TVP23C: variants seen among roughly 807,000 people sequenced by gnomAD.
The protein encoded by TVP23C is Golgi apparatus membrane protein TVP23 homolog C.
TVP23C carries 19 observed loss-of-function variants against 28.7 expected under a neutral mutation model. The ratio of observed to expected loss-of-function variants is 0.66; its 90% CI spans 0.46 to 0.97. The LOEUF (loss-of-function observed/expected upper bound fraction) is 0.97. Ranked by LOEUF, TVP23C falls within the 50% of genes least tolerant of loss-of-function variation. The pLI, the probability that TVP23C is intolerant of heterozygous loss-of-function variation, is 0.00. For missense variants in TVP23C, 186 were observed against 241.3 expected (o/e 0.77, Z 1.52); for synonymous variants, 68 against 81.7 (o/e 0.83, Z 0.90).
exon 6 of TVP23C, chr17:15,502,922 T>A: frequency 6.2e-7 from 1 of 1,613,080 alleles, no homozygotes; most frequent in Non-Finnish European, 8.5e-7. Context: ...TCCTCTGCTA[T>A]TGGGACTCTC....
chr17:15,546,267 T>C (rs1011505130), intron 4 of TVP23C, among the ~76,000 whole-genome samples: 1 of 151,998 alleles, frequency 6.6e-6, no homozygotes, highest in African/African-American at 2.4e-5. Flanking sequence ...AAATCACAGT[T>C]ATAATCATTC....
chr17:15,510,497 C>A (rs35448233), intron 5 of TVP23C, among the ~76,000 whole-genome samples: 18,921 of 152,114 alleles, frequency 0.12, 1,279 homozygotes, highest in Middle Eastern at 0.18. Flanking sequence ...GTTGGCCAGT[C>A]TGGGGAGAAA....
In TVP23C at chr17:15,539,599, T is replaced by C; in HGVS notation, c.*813A>G. Reference sequence around the variant, plus strand: ...GCCTGGGCGACAGAGCAAGACTCCATCTCAAGAAAAAAAAAAAAAAAGACC... The same window carrying C: ...GCCTGGGCGACAGAGCAAGACTCCACCTCAAGAAAAAAAAAAAAAAAGACC... On this transcript the variant is annotated 3_prime_UTR_variant, in exon 6 of 6. Transcript: ENST00000518321. 4 of 961,298 alleles carry C rather than the reference T, an allele frequency of 4.2e-6. No homozygotes were observed. The highest frequency in any genetic ancestry group is 4.9e-6 in the Non-Finnish European group (4 of 813,914). 59.5% of individuals were successfully genotyped at this position (961,298 alleles called of 1,614,324 possible).
At chr17:15,553,339 T>C (rs1450496514) in intron 3 of TVP23C, among the ~76,000 whole-genome samples, 2 of 151,802 alleles carry the variant, frequency 1.3e-5, no homozygotes, top group Non-Finnish European at 2.9e-5. Context: ...ACAACACACC[T>C]ACAGGTAAGC....
chr17:15,548,057 T>C (rs1983720610), intron 3 of TVP23C, among the ~76,000 whole-genome samples: 1 of 152,142 alleles, frequency 6.6e-6, no homozygotes, highest in African/African-American at 2.4e-5. Flanking sequence ...ACTATGAATG[T>C]AGGTAAAATT....
chr17:15,506,936 T>C, intron 5 of TVP23C: 1 of 1,169,504 alleles, frequency 8.6e-7, no homozygotes, highest in Non-Finnish European at 1.2e-6. Context: ...TCCTTTGAGC[T>C]GTTTGCAAAC....
Position 15,540,542 on chromosome 17 carries a change from A to G in TVP23C, c.482T>C (p.Val161Ala). 1 of 1,613,790 alleles carries G rather than the reference A, an allele frequency of 6.2e-7. No individual in the cohort carries two copies. The highest frequency in any genetic ancestry group is 8.5e-7 in the Non-Finnish European group (1 of 1,179,818). Residue 161 changes from valine to alanine, a missense_variant, in exon 6 of 6, where the codon GTG (valine) becomes GCG (alanine). Physicochemically the swap from Val to Ala is moderately conservative, Grantham distance 64. Coordinates refer to ENST00000518321, the MANE Select transcript of TVP23C (RefSeq NM_001135036.2). ...ATACAGGTTGGCACCTTGTAGCACCACACCCATAATAACCACCGCCTGGGA... is the reference window on the plus strand; with the variant it reads ...ATACAGGTTGGCACCTTGTAGCACCGCACCCATAATAACCACCGCCTGGGA... ...VKWLAVVIMG[V>A]VLQGANLYGY...
intron 5 of TVP23C, among the ~76,000 whole-genome samples, chr17:15,541,689 A>G (rs1451165265): frequency 6.6e-6 from 1 of 151,962 alleles, no homozygotes; most frequent in Non-Finnish European, 1.5e-5. Flanking sequence ...TCCTAGTAAA[A>G]GAAGAGGAGG....
At position 15,539,868 on chromosome 17, in the gene TVP23C, C is replaced by T. The variant is rs1172990880; in HGVS notation, c.*544G>A. 69 of 857,696 alleles carry T rather than the reference C, an allele frequency of 8.0e-5. No individual in the cohort carries two copies. Among genetic ancestry groups the T allele is most frequent in the Non-Finnish European group, 9.7e-5 (69 of 713,866 alleles). 53.1% of individuals were successfully genotyped at this position (857,696 alleles called of 1,614,324 possible). ...CAGCACTTTGGGAGGCTGAGGTGGGCAGATCACAAGGTCATGAGATGGAGA... is the reference window on the plus strand; with the variant it reads ...CAGCACTTTGGGAGGCTGAGGTGGGTAGATCACAAGGTCATGAGATGGAGA... On this transcript the variant is annotated 3_prime_UTR_variant, in exon 6 of 6. Coordinates refer to ENST00000518321, the MANE Select transcript of TVP23C (RefSeq NM_001135036.2).
chr17:15,540,142 T>G lies in TVP23C; in HGVS notation c.*270A>C, dbSNP rs1373565404. On this transcript the variant is annotated 3_prime_UTR_variant, in exon 6 of 6. Transcript: ENST00000518321. ...ACATACATTCTGCAAGGGCATTCACTTAAAGCTCCCATAATTGATGAAAAA... is the reference window on the plus strand; with the variant it reads ...ACATACATTCTGCAAGGGCATTCACGTAAAGCTCCCATAATTGATGAAAAA... 1 of 1,254,820 alleles carries G rather than the reference T, an allele frequency of 8.0e-7. No individual in the cohort carries two copies. The highest frequency in any genetic ancestry group is 1.0e-6 in the Non-Finnish European group (1 of 1,000,246). 77.7% of individuals were successfully genotyped at this position (1,254,820 alleles called of 1,614,324 possible). A position where few individuals can be genotyped will look rare whatever the true frequency, so the allele number is the denominator to read the frequency against.
intron 5 of TVP23C, among the ~76,000 whole-genome samples, chr17:15,515,189 AAACGTGCAAAGGTAT>A (rs1245342108): frequency 6.6e-6 from 1 of 152,108 alleles, no homozygotes; most frequent in Non-Finnish European, 1.5e-5. Flanking sequence ...GACAAAGGAA[AAACGTGCAAAGGTAT>A]AACGTACACT....
chr17:15,506,478 GC>G (rs1452376712), intron 5 of TVP23C, among the ~76,000 whole-genome samples: 4 of 152,196 alleles, frequency 2.6e-5, no homozygotes, highest in Non-Finnish European at 5.9e-5. Context: ...AGGCCACTGG[GC>G]TCTACCAATC....
rs181197293 is a variant in TVP23C at position 15,526,419 on chromosome 17, G to A, written c.462+19366C>T. Among the ~76,000 whole-genome samples the A allele has an allele frequency of 1.4e-3, 218 of 152,292 alleles. 2 individuals are homozygous for A. Among genetic ancestry groups the A allele is most frequent in the African/African-American group, 4.9e-3 (203 of 41,562 alleles). On this transcript the variant is annotated intron_variant, in intron 5 of 5. Coordinates refer to the TVP23C transcript ENST00000225576. ...CAGTTTCCTCACTTGTTAAATGGCA[G>A]GGTTTGCCGAGATCAGGAAGCCAGA...
chr17:15,503,236 CA>C, intron 5 of TVP23C: 1 of 1,484,122 alleles, frequency 6.7e-7, no homozygotes, highest in Non-Finnish European at 8.9e-7. Context: ...ACCGTCTCTA[CA>C]AAAAATAAAA....
chr17:15,526,189 T>C (rs1006100139), intron 5 of TVP23C, among the ~76,000 whole-genome samples: 1 of 152,120 alleles, frequency 6.6e-6, no homozygotes, highest in Non-Finnish European at 1.5e-5. Context: ...TCTACAGAGA[T>C]GCCTCTTAAA....
Position 15,563,096 on chromosome 17 carries a change from G to C in TVP23C, c.12+341C>G, listed in dbSNP as rs1213750549. On this transcript the variant is annotated intron_variant, in intron 1 of 5. Coordinates refer to ENST00000518321, the MANE Select transcript of TVP23C (RefSeq NM_001135036.2). The stretch of plus-strand genomic sequence containing the variant: ...CCTACAAGATAGCATCGCACCCCTG[G>C]GTGTCAGGAAGCTAAGAGGCCCGCA... The C allele has an allele frequency of 5.2e-5, 21 of 403,496 alleles. No homozygotes were observed. In the South Asian group the frequency reaches 9.7e-4, roughly 19 times the overall value. The allele number at this position is 403,496 out of a possible 1,614,324, so 25.0% of individuals were successfully genotyped here. A position where few individuals can be genotyped will look rare whatever the true frequency, so the allele number is the denominator to read the frequency against.
Position 15,537,928 on chromosome 17 carries a change from A to G in TVP23C, c.*2484T>C, listed in dbSNP as rs138204212. 457 of 1,443,766 alleles carry G rather than the reference A, an allele frequency of 3.2e-4. No homozygotes were observed. In the African/African-American group the frequency reaches 5.2e-3, roughly 16 times the overall value. The allele number at this position is 1,443,766 out of a possible 1,614,324, so 89.4% of individuals were successfully genotyped here. ...TCTTAACAATGTTTCTAGTGCCAAC[A>G]TATACTTTCTAGCCCCAACTGCTGG... On this transcript the variant is annotated 3_prime_UTR_variant, in exon 6 of 6. Coordinates refer to ENST00000518321, the MANE Select transcript of TVP23C (RefSeq NM_001135036.2).
chr17:15,542,358 TGA>T (rs1983448132), intron 5 of TVP23C, among the ~76,000 whole-genome samples: 1 of 152,216 alleles, frequency 6.6e-6, no homozygotes, highest in Non-Finnish European at 1.5e-5. Context: ...TCAATAATCA[TGA>T]GAGATGATCA....
At chr17:15,547,289 G>C in intron 3 of TVP23C, 141 bp from the exon 4 acceptor site, 1 of 1,460,744 alleles carries the variant, frequency 6.8e-7, no homozygotes, top group Non-Finnish European at 9.2e-7. Flanking sequence ...AGACTACTAT[G>C]TATCAGGCCT....
Sources: allele counts gnomAD v4.1 joint callset (sites outside exome capture counted in the v4.1 genomes callset), GRCh38; gene constraint gnomAD v4.1.1; transcripts MANE v1.5; gene names NCBI Gene and HGNC (gene_info 2026-07-23, HGNC 2026-07-21).